Variants in ANKRD36B observed in about 807,000 individuals in gnomAD.
ANKRD36B encodes the protein ankyrin repeat domain 36B.
A neutral mutation model predicts 135.7 loss-of-function variants in ANKRD36B; 37 were observed. The observed-to-expected ratio is 0.27, with a 90% confidence interval of 0.21 to 0.36. The LOEUF (loss-of-function observed/expected upper bound fraction) is 0.36, where lower values mean the gene tolerates loss of function less well. Among genes scored for constraint, ANKRD36B ranks in the 10% least tolerant of loss-of-function variants. The pLI, the probability that ANKRD36B is intolerant of heterozygous loss-of-function variation, is 1.00. For missense variants in ANKRD36B, 549 were observed against 1,037.1 expected (o/e 0.53, Z 6.46); for synonymous variants, 179 against 348.1 (o/e 0.51, Z 5.41).
Position 97,533,593 on chromosome 2 carries a change from A to G in ANKRD36B, c.2192-1209T>C, listed in dbSNP as rs541205957. Among the ~76,000 whole-genome samples the G allele has an allele frequency of 1.6e-3, 153 of 96,862 alleles. 38 individuals carry two copies. The highest frequency in any genetic ancestry group is 4.5e-3 in the African/African-American group (144 of 32,314). 63.5% of individuals were successfully genotyped at this position (96,862 alleles called of 152,430 possible). A position where few individuals can be genotyped will look rare whatever the true frequency, so the allele number is the denominator to read the frequency against. On this transcript the variant is annotated intron_variant, in intron 34 of 43. Coordinates refer to ENST00000359901, the MANE Select transcript of ANKRD36B (RefSeq NM_001393939.1). ...TTATTTCTCATCAGAGAAACTGTTT[A>G]AAATTAATCAGCTTAGATAGACAGT...
intron 5 of ANKRD36B, among the ~76,000 whole-genome samples, chr2:97,576,805 C>T (rs1016559807): frequency 2.6e-5 from 4 of 152,012 alleles, no homozygotes; most frequent in African/African-American, 9.7e-5. Context: ...TTACTACCTT[C>T]TTTCACTAGG....
rs1273406795 is a variant in ANKRD36B at position 97,526,034 on chromosome 2, C to T, written c.2266-2567G>A. On this transcript the variant is annotated intron_variant, in intron 35 of 43. Transcript: ENST00000359901. ...TGCAGACTTAAATGTCCCTGTCTGA[C>T]AGCTTTGAAGACAGCAGTGGTTCCC... Among the ~76,000 whole-genome samples the T allele has an allele frequency of 3.6e-4, 35 of 97,954 alleles. 9 individuals carry two copies. The highest frequency in any genetic ancestry group is 9.8e-4 in the African/African-American group (32 of 32,694). The allele number at this position is 97,954 out of a possible 152,430, so 64.3% of individuals were successfully genotyped here.
rs182890476 is a variant in ANKRD36B, at chr2:97,537,550, A to C, written c.2089+618T>G. Among the ~76,000 whole-genome samples the C allele has an allele frequency of 9.2e-5, 9 of 97,386 alleles. 2 individuals are homozygous for C. Among genetic ancestry groups the C allele is most frequent in the East Asian group, 4.6e-4 (2 of 4,342 alleles). 63.9% of individuals were successfully genotyped at this position (97,386 alleles called of 152,430 possible). A position where few individuals can be genotyped will look rare whatever the true frequency, so the allele number is the denominator to read the frequency against. ...CCAATTCTAGCACTCCTTCCTGATT[A>C]CAGTAGTCATTGGAGCAGCCAGAAA... On this transcript the variant is annotated intron_variant, in intron 32 of 43. Coordinates refer to ENST00000359901, the MANE Select transcript of ANKRD36B (RefSeq NM_001393939.1).
intron 40 of ANKRD36B, among the ~76,000 whole-genome samples, chr2:97,508,797 T>C (rs564612346): frequency 6.7e-4 from 73 of 109,190 alleles, no homozygotes; most frequent in African/African-American, 1.7e-3. Context: ...AAAAGCGTCA[T>C]CTTAAACTGC....
intron 6 of ANKRD36B, among the ~76,000 whole-genome samples, chr2:97,561,458 G>A (rs1425139578): frequency 2.0e-5 from 3 of 151,858 alleles, no homozygotes; most frequent in Non-Finnish European, 2.9e-5. Flanking sequence ...GTGTAATAAT[G>A]TGCCTACATC....
At chr2:97,529,839 A>G (rs1313507306) in intron 35 of ANKRD36B, among the ~76,000 whole-genome samples, 3 of 95,760 alleles carry the variant, frequency 3.1e-5, no homozygotes, top group Non-Finnish European at 8.3e-5. Flanking sequence ...TAGGAATCCA[A>G]CTTACAAGGG....
At chr2:97,578,485 G>A (rs2082365835) in intron 5 of ANKRD36B, among the ~76,000 whole-genome samples, 1 of 152,032 alleles carries the variant, frequency 6.6e-6, no homozygotes, top group Non-Finnish European at 1.5e-5. Flanking sequence ...TTAGGTTCTT[G>A]AAAAATTCCA....
At chr2:97,584,299 C>T (rs2082825451) in intron 3 of ANKRD36B, among the ~76,000 whole-genome samples, 1 of 122,104 alleles carries the variant, frequency 8.2e-6, no homozygotes, top group Non-Finnish European at 1.6e-5. Flanking sequence ...TAAGAATAAT[C>T]ATCCCCAAAA....
intron 5 of ANKRD36B, among the ~76,000 whole-genome samples, chr2:97,577,576 C>T (rs1455819917): frequency 6.9e-6 from 1 of 145,530 alleles, no homozygotes; most frequent in Non-Finnish European, 1.5e-5. Flanking sequence ...TGCTAATTTT[C>T]TCCGTATTGT....
At chr2:97,585,672 T>G (rs1449894345) in intron 1 of ANKRD36B, among the ~76,000 whole-genome samples, 1 of 152,224 alleles carries the variant, frequency 6.6e-6, no homozygotes, top group African/African-American at 2.4e-5. Context: ...ATCAATAAAA[T>G]ATGTAAGAGA....
chr2:97,564,851 A>G (rs370945841), intron 6 of ANKRD36B, among the ~76,000 whole-genome samples: 1 of 151,620 alleles, frequency 6.6e-6, no homozygotes, highest in Non-Finnish European at 1.5e-5. Flanking sequence ...TCTTGGCTAT[A>G]TGGGCTCTTT....
At chr2:97,575,853 C>G (rs1433620204) in intron 6 of ANKRD36B, among the ~76,000 whole-genome samples, 2 of 152,028 alleles carry the variant, frequency 1.3e-5, no homozygotes, top group Non-Finnish European at 2.9e-5. Context: ...GCTTTAACTA[C>G]TGCAAAATCT....
chr2:97,585,429 G>T (rs1174980987), intron 1 of ANKRD36B, 31 bp from the exon 2 acceptor site: 1 of 1,548,736 alleles, frequency 6.5e-7, no homozygotes, highest in African/African-American at 1.4e-5. Flanking sequence ...TTTAAAACAT[G>T]TAACTGTAAG....
intron 18 of ANKRD36B, among the ~76,000 whole-genome samples, chr2:97,550,689 A>G (rs1307394805): frequency 6.6e-6 from 1 of 151,914 alleles, no homozygotes; most frequent in African/African-American, 2.4e-5. Context: ...TCCTGCTTCC[A>G]GCACTTGCTG....
chr2:97,548,986 G>T (rs570765136), intron 20 of ANKRD36B, among the ~76,000 whole-genome samples: 1 of 151,838 alleles, frequency 6.6e-6, no homozygotes, highest in Non-Finnish European at 1.5e-5. Flanking sequence ...TACACCAGGG[G>T]TCTCCTTAGT....
chr2:97,549,774 G>A lies in ANKRD36B; in HGVS notation c.1376-160C>T, dbSNP rs199880381. Among the ~76,000 whole-genome samples the A allele has an allele frequency of 8.6e-5, 13 of 152,024 alleles. No individual in the cohort carries two copies. In the East Asian group the frequency reaches 1.8e-3, roughly 20 times the overall value. ...CTGCGGACTAGAACGTGACAGAAAT[G>A]CACTGAGAAAAGGGAATACAGGCTC... On this transcript the variant is annotated intron_variant, in intron 18 of 43. Coordinates refer to ENST00000359901, the MANE Select transcript of ANKRD36B (RefSeq NM_001393939.1).
chr2:97,570,016 TTA>T (rs2081734376), intron 6 of ANKRD36B, among the ~76,000 whole-genome samples: 1 of 152,164 alleles, frequency 6.6e-6, no homozygotes, highest in African/African-American at 2.4e-5. Flanking sequence ...AACAAATTTT[TTA>T]TTTCAATTTT....
In ANKRD36B at chr2:97,541,399, C is replaced by A. The variant is rs1183999911; in HGVS notation, c.1885+512G>T. On this transcript the variant is annotated intron_variant, in intron 28 of 43. Transcript: ENST00000359901. Reference sequence around the variant, plus strand: ...TCACTCAGCTTTCCTCAACAGAAACCCCAAAATTACATAAATAACTTCTTC... The same window carrying A: ...TCACTCAGCTTTCCTCAACAGAAACACCAAAATTACATAAATAACTTCTTC... 1.0e-4 allele frequency among the ~76,000 whole-genome samples: 10 copies of A among 95,548 alleles called. 3 individuals are homozygous for A. Among genetic ancestry groups the A allele is most frequent in the African/African-American group, 3.1e-4 (10 of 31,956 alleles). 62.7% of individuals were successfully genotyped at this position (95,548 alleles called of 152,430 possible). A position where few individuals can be genotyped will look rare whatever the true frequency, so the allele number is the denominator to read the frequency against.
intron 4 of ANKRD36B, among the ~76,000 whole-genome samples, chr2:97,579,917 G>A (rs1011653999): frequency 9.2e-5 from 14 of 152,120 alleles, no homozygotes; most frequent in African/African-American, 3.1e-4. Flanking sequence ...GGTAAGTAAT[G>A]TTACCAAGGT....
Sources: allele counts gnomAD v4.1 joint callset (sites outside exome capture counted in the v4.1 genomes callset), GRCh38; gene constraint gnomAD v4.1.1; transcripts MANE v1.5; gene names NCBI Gene and HGNC (gene_info 2026-07-23, HGNC 2026-07-21).